PDZRN4: variants seen among roughly 807,000 people sequenced by gnomAD.
The protein encoded by PDZRN4 is PDZ domain-containing RING finger protein 4.
In PDZRN4, 70 loss-of-function variants were observed where a neutral mutation model predicts 99.0. The ratio of observed to expected loss-of-function variants is 0.71; its 90% confidence interval spans 0.58 to 0.86. PDZRN4 has a LOEUF of 0.86. Ranked by LOEUF, PDZRN4 falls within the 40% of genes least tolerant of loss-of-function variation. The probability of loss-of-function intolerance (pLI) is 0.00; values close to 1 mark genes in which losing one functional copy is unlikely to be tolerated. For synonymous variants in PDZRN4, 551 were observed against 501.6 expected (o/e 1.10, Z -1.32); for missense variants, 1,474 against 1,331.2 (o/e 1.11, Z -1.67).
At chr12:41,355,919 C>T (rs1237320050) in intron 3 of PDZRN4, among the ~76,000 whole-genome samples, 2 of 152,042 alleles carry the variant, frequency 1.3e-5, no homozygotes, top group Admixed American at 1.3e-4. Context: ...ATCACCCCCA[C>T]TGTGATTTTA....
intron 4 of PDZRN4, among the ~76,000 whole-genome samples, chr12:41,507,868 CTA>C (rs1938235257): frequency 6.6e-6 from 1 of 151,976 alleles, no homozygotes; most frequent in Admixed American, 6.6e-5. Flanking sequence ...TGGCATAAAA[CTA>C]TGAACAAAAA....
At chr12:41,553,855 T>C (rs1020966966) in intron 6 of PDZRN4, among the ~76,000 whole-genome samples, 2 of 128,618 alleles carry the variant, frequency 1.6e-5, no homozygotes, top group Non-Finnish European at 3.2e-5. Context: ...TGAGTTTTCT[T>C]GGCCATAATC....
chr12:41,261,580 C>T (rs569725727), intron 3 of PDZRN4, among the ~76,000 whole-genome samples: 4 of 152,144 alleles, frequency 2.6e-5, no homozygotes, highest in South Asian at 4.2e-4. Flanking sequence ...AGCTCTGCCT[C>T]CCGGGTTCAC....
chr12:41,344,111 A>T (rs918124491), intron 3 of PDZRN4, among the ~76,000 whole-genome samples: 10 of 152,136 alleles, frequency 6.6e-5, no homozygotes, highest in African/African-American at 2.4e-4. Flanking sequence ...GTTAGAATCT[A>T]TACTGGTGAT....
At chr12:41,457,937 C>A (rs1000233108) in intron 3 of PDZRN4, among the ~76,000 whole-genome samples, 1 of 151,886 alleles carries the variant, frequency 6.6e-6, no homozygotes, top group African/African-American at 2.4e-5. Flanking sequence ...GTCTTTCAGG[C>A]AAATCATTAT....
chr12:41,409,347 A>C (rs371440983), intron 3 of PDZRN4: 6 of 151,124 alleles, frequency 4.0e-5, no homozygotes, highest in Non-Finnish European at 5.9e-5. Context: ...CAAAATTCCC[A>C]AAAAAAAAGA....
At chr12:41,295,695 A>T (rs897650752) in intron 3 of PDZRN4, among the ~76,000 whole-genome samples, 1 of 152,188 alleles carries the variant, frequency 6.6e-6, no homozygotes, top group African/African-American at 2.4e-5. Flanking sequence ...ACATGTCTGA[A>T]CAGGATCTAG....
At chr12:41,526,265 T>C (rs979500428) in intron 5 of PDZRN4, among the ~76,000 whole-genome samples, 1 of 152,216 alleles carries the variant, frequency 6.6e-6, no homozygotes, top group Admixed American at 6.5e-5. Context: ...CTTGGCATTC[T>C]GAGCTGGCAG....
At chr12:41,405,075 T>C (rs1952335104) in intron 3 of PDZRN4, among the ~76,000 whole-genome samples, 1 of 151,866 alleles carries the variant, frequency 6.6e-6, no homozygotes, top group Non-Finnish European at 1.5e-5. Context: ...TTTGGCTAAG[T>C]CCCCAAAAGC....
At chr12:41,367,182 C>T (rs1288134492) in intron 3 of PDZRN4, among the ~76,000 whole-genome samples, 1 of 152,090 alleles carries the variant, frequency 6.6e-6, no homozygotes, top group Non-Finnish European at 1.5e-5. Flanking sequence ...TCTATCATTG[C>T]TTAAGATCTG....
chr12:41,198,749 TTAAAG>T (rs1275959925), intron 3 of PDZRN4, among the ~76,000 whole-genome samples: 1 of 151,640 alleles, frequency 6.6e-6, no homozygotes, highest in Non-Finnish European at 1.5e-5. Context: ...ACCCTAAAAC[TTAAAG>T]TATAGTAATA....
At chr12:41,565,038 T>G (rs960484527) in intron 8 of PDZRN4, among the ~76,000 whole-genome samples, 4 of 152,176 alleles carry the variant, frequency 2.6e-5, no homozygotes, top group Non-Finnish European at 5.9e-5. Context: ...GTGGCCATAA[T>G]GGGCTGTAGA....
chr12:41,573,852 A>G lies in PDZRN4; in HGVS notation c.3073A>G (p.Arg1025Gly), dbSNP rs1329356086. The change falls in exon 10 of 10, where the codon AGA becomes GGA. Residue 1025 changes from arginine (R) to glycine (G), a missense_variant. By Grantham distance (125) the Arg-to-Gly change is moderately radical (BLOSUM62 -2). Coordinates refer to ENST00000402685, the MANE Select transcript of PDZRN4 (RefSeq NM_001164595.2). ...TGGGGCCAAGTCTCCAGATGGCACG[A>G]GAGTCCATAATGCCTTCTTGTCGGT... ...THGAKSPDGT[R>G]VHNAFLSVTT... The G allele has an allele frequency of 3.1e-6, 5 of 1,592,494 alleles. No homozygotes were observed. In the East Asian group the frequency reaches 8.9e-5, roughly 28 times the overall value.
chr12:41,458,697 G>A (rs1952840825), intron 3 of PDZRN4, among the ~76,000 whole-genome samples: 1 of 152,104 alleles, frequency 6.6e-6, no homozygotes, highest in Admixed American at 6.6e-5. Context: ...AGTGGCCCTG[G>A]AGGCTCCTGT....
intron 3 of PDZRN4, among the ~76,000 whole-genome samples, chr12:41,214,430 T>TTAAAAAAA (rs1555216879): frequency 2.9e-5 from 1 of 34,086 alleles, no homozygotes; most frequent in East Asian, 1.1e-3. Flanking sequence ...CCCTGTCCCC[T>TTAAAAAAA]AAAAAAAAAA....
chr12:41,441,262 T>A (rs558063955), intron 3 of PDZRN4, among the ~76,000 whole-genome samples: 1 of 152,278 alleles, frequency 6.6e-6, no homozygotes, highest in Admixed American at 6.5e-5. Context: ...GAAATTAATT[T>A]GCCTTCAATC....
intron 3 of PDZRN4, among the ~76,000 whole-genome samples, chr12:41,385,667 A>T (rs995748195): frequency 2.0e-5 from 3 of 152,182 alleles, no homozygotes; most frequent in African/African-American, 7.2e-5. Context: ...TCTGAAATTT[A>T]GTTAGTAATA....
intron 3 of PDZRN4, among the ~76,000 whole-genome samples, chr12:41,227,078 A>G (rs1478424701): frequency 1.3e-5 from 2 of 152,178 alleles, no homozygotes; most frequent in African/African-American, 4.8e-5. Context: ...CTATAGAAAA[A>G]TACACATATT....
intron 3 of PDZRN4, among the ~76,000 whole-genome samples, chr12:41,292,014 G>A (rs148900974): frequency 9.2e-5 from 14 of 152,280 alleles, no homozygotes; most frequent in African/African-American, 3.4e-4. Flanking sequence ...ATCCACCCAG[G>A]TTGTGTTTGG....
Sources: gnomAD v4.1 joint callset for allele counts (sites outside exome capture counted in the v4.1 genomes callset) on GRCh38, gnomAD v4.1.1 for gene constraint, MANE v1.5 for transcripts, NCBI Gene and HGNC (gene_info 2026-07-23, HGNC 2026-07-21) for gene names.